The following RIC1 variants were observed in gnomAD, a reference collection of about 807,000 sequenced individuals.
RIC1 encodes the protein RIC1 partner of RAB6A GEF complex.
Under a neutral mutation model 169.0 loss-of-function variants are expected in RIC1, and 88 were observed. That is an observed-to-expected ratio of 0.52 (90% CI 0.44 to 0.62). The LOEUF is 0.62. Among genes scored for constraint, RIC1 ranks in the 20% least tolerant of loss-of-function variants. The pLI is 0.00. For synonymous variants in RIC1, 790 were observed against 601.5 expected, an observed-to-expected ratio of 1.31 and a Z score of -4.59; for missense variants, 1,877 against 1,725.5, an observed-to-expected ratio of 1.09 and a Z score of -1.56.
chr9:5,698,968 C>T (rs1822061687), intron 3 of RIC1, among the ~76,000 whole-genome samples: 2 of 152,118 alleles, frequency 1.3e-5, no homozygotes, highest in South Asian at 4.1e-4. Flanking sequence ...TACAGGTGTA[C>T]TTGTTCAAAA....
At position 5,759,322 on chromosome 9, in the gene RIC1, A is replaced by T. The variant is rs150772719; in HGVS notation, c.1992+1871A>T. ...AAGTTCACAAGAATTATTGCCAAAA[A>T]TCTTGAACCCAAATCAAATCAAGTA... is the stretch of plus-strand genomic sequence containing the variant. On this transcript the variant is annotated intron_variant, in intron 17 of 25. Transcript: ENST00000414202. Among the ~76,000 whole-genome samples the T allele has an allele frequency of 8.5e-3, 1,291 of 152,336 alleles. 11 individuals are homozygous for T. The highest frequency in any genetic ancestry group is 0.012 in the Non-Finnish European group (833 of 68,018).
At chr9:5,644,902 C>T (rs1010303756) in intron 1 of RIC1, among the ~76,000 whole-genome samples, 1 of 152,152 alleles carries the variant, frequency 6.6e-6, no homozygotes, top group Non-Finnish European at 1.5e-5. Context: ...TTCTGTTTCT[C>T]CACACCCGTT....
intron 1 of RIC1, among the ~76,000 whole-genome samples, chr9:5,642,851 A>G (rs1031853260): frequency 6.6e-6 from 1 of 152,194 alleles, no homozygotes; most frequent in African/African-American, 2.4e-5. Flanking sequence ...TTTATTTCTC[A>G]TTCATGACTT....
chr9:5,708,405 T>C (rs763325825), intron 3 of RIC1, among the ~76,000 whole-genome samples: 6 of 152,184 alleles, frequency 3.9e-5, no homozygotes, highest in Admixed American at 6.5e-5. Flanking sequence ...TTTGAGTTAT[T>C]GCCTCTTGTT....
chr9:5,737,492 A>C (rs1027646888), intron 7 of RIC1, among the ~76,000 whole-genome samples: 1 of 151,804 alleles, frequency 6.6e-6, no homozygotes. Flanking sequence ...GTATACATTA[A>C]CTCTTTGTTG....
chr9:5,744,053 A>G (rs1041638465), intron 10 of RIC1, among the ~76,000 whole-genome samples: 1 of 151,670 alleles, frequency 6.6e-6, no homozygotes, highest in African/African-American at 2.4e-5. Context: ...TGATAAAATC[A>G]CAAAACTATT....
intron 23 of RIC1, among the ~76,000 whole-genome samples, chr9:5,770,898 G>A (rs912732217): frequency 2.0e-5 from 3 of 152,178 alleles, no homozygotes; most frequent in Non-Finnish European, 4.4e-5. Flanking sequence ...AGCAATTTGT[G>A]TTGGCATAGG....
At chr9:5,723,137 C>G (rs1172236635) in intron 6 of RIC1, among the ~76,000 whole-genome samples, 2 of 152,246 alleles carry the variant, frequency 1.3e-5, no homozygotes, top group Non-Finnish European at 2.9e-5. Context: ...GCCACACTGT[C>G]TTCCACAATG....
intron 3 of RIC1, among the ~76,000 whole-genome samples, chr9:5,705,978 T>C (rs982639776): frequency 6.6e-6 from 1 of 152,244 alleles, no homozygotes; most frequent in African/African-American, 2.4e-5. Context: ...ACCACCATTG[T>C]ATTCTTAGGC....
At chr9:5,657,392 CATT>C (rs1819165053) in intron 2 of RIC1, among the ~76,000 whole-genome samples, 1 of 152,028 alleles carries the variant, frequency 6.6e-6, no homozygotes, top group South Asian at 2.1e-4. Flanking sequence ...GGTTAATTAA[CATT>C]ATTGAGCACC....
chr9:5,771,736 A>C (rs1382512729), intron 23 of RIC1, among the ~76,000 whole-genome samples: 1 of 152,170 alleles, frequency 6.6e-6, no homozygotes, highest in Non-Finnish European at 1.5e-5. Context: ...CCATCACTTT[A>C]GAAAACTTTT....
intron 6 of RIC1, among the ~76,000 whole-genome samples, chr9:5,731,082 A>G (rs557563542): frequency 2.0e-5 from 3 of 152,236 alleles, no homozygotes; most frequent in African/African-American, 4.8e-5. Context: ...CCTCTTCACC[A>G]GCATTGCTTA....
At chr9:5,747,146 T>C (rs1563946245) in intron 11 of RIC1, among the ~76,000 whole-genome samples, 156 bp from the exon 12 acceptor site, 1 of 152,242 alleles carries the variant, frequency 6.6e-6, no homozygotes, top group Non-Finnish European at 1.5e-5. Context: ...GAGATTATTG[T>C]GTAGTCTTTG....
At chr9:5,636,601 G>T (rs1361289376) in intron 1 of RIC1, among the ~76,000 whole-genome samples, 2 of 152,072 alleles carry the variant, frequency 1.3e-5, no homozygotes, top group African/African-American at 4.8e-5. Context: ...TTATAGGTGT[G>T]AGCCACCACT....
chr9:5,761,082 T>A (rs1448828888), intron 17 of RIC1, among the ~76,000 whole-genome samples: 1 of 149,558 alleles, frequency 6.7e-6, no homozygotes, highest in African/African-American at 2.5e-5. Context: ...TCTGTCTGTC[T>A]CCTTCAGTTT....
At chr9:5,732,537 T>C in intron 7 of RIC1, 58 bp downstream of exon 7, 1 of 1,127,770 alleles carries the variant, frequency 8.9e-7, no homozygotes, top group South Asian at 1.4e-5. Context: ...TACTGGTTTT[T>C]TTTTTTGTAA....
intron 2 of RIC1, among the ~76,000 whole-genome samples, chr9:5,687,024 C>T (rs918452003): frequency 6.6e-6 from 1 of 152,186 alleles, no homozygotes; most frequent in African/African-American, 2.4e-5. Flanking sequence ...ATTTCTTTAA[C>T]AGACATTGGC....
At chr9:5,756,164 T>TAG in intron 15 of RIC1, 48 bp from the exon 16 acceptor site, 1 of 1,292,344 alleles carries the variant, frequency 7.7e-7, no homozygotes, top group South Asian at 1.9e-5. Flanking sequence ...TGGTCATCCC[T>TAG]AGTAGTTATC....
chr9:5,726,217 C>G (rs1823972058), intron 6 of RIC1, among the ~76,000 whole-genome samples: 4 of 152,238 alleles, frequency 2.6e-5, no homozygotes, highest in Admixed American at 1.3e-4. Flanking sequence ...TAAGGACTTG[C>G]TTTATGAATC....
Sources: gnomAD v4.1 joint callset for allele counts (sites outside exome capture counted in the v4.1 genomes callset) on GRCh38, gnomAD v4.1.1 for gene constraint, MANE v1.5 for transcripts, NCBI Gene and HGNC (gene_info 2026-07-23, HGNC 2026-07-21) for gene names.